CNGB3: variants seen among roughly 807,000 people sequenced by gnomAD.
The protein encoded by CNGB3 is cyclic nucleotide gated channel subunit beta 3, also known as cyclic nucleotide-gated channel beta-3.
In CNGB3, 86 loss-of-function variants were observed where a neutral mutation model predicts 92.8. The observed-to-expected ratio is 0.93, with a 90% confidence interval of 0.78 to 1.11. CNGB3 has a LOEUF of 1.11. Among genes scored for constraint, CNGB3 ranks in the 50% least tolerant of loss-of-function variants. The pLI, the probability that CNGB3 is intolerant of heterozygous loss-of-function variation, is 0.00. For synonymous variants in CNGB3, 333 were observed against 332.7 expected, an observed-to-expected ratio of 1.00 and a Z score of -0.01; for missense variants, 1,026 against 956.8, an observed-to-expected ratio of 1.07 and a Z score of -0.95.
chr8:86,659,859 A>G, intron 6 of CNGB3: 1 of 422,674 alleles, frequency 2.4e-6, no homozygotes, highest in South Asian at 1.9e-5. Context: ...CAGATCCTTC[A>G]GGTTAGCAGA....
chr8:86,664,200 T>G (rs530010842), intron 6 of CNGB3, among the ~76,000 whole-genome samples: 145 of 152,368 alleles, frequency 9.5e-4, no homozygotes, highest in African/African-American at 3.3e-3. Context: ...TAGTATTTCT[T>G]TCTAGGAAAG....
chr8:86,733,733 G>A (rs1825198495), intron 2 of CNGB3, among the ~76,000 whole-genome samples: 1 of 152,132 alleles, frequency 6.6e-6, no homozygotes, highest in African/African-American at 2.4e-5. Flanking sequence ...TCAGTAGATT[G>A]CCTAGTTATT....
At chr8:86,658,035 C>T (rs890542953) in intron 6 of CNGB3, 7 of 544,356 alleles carry the variant, frequency 1.3e-5, no homozygotes, top group Non-Finnish European at 2.5e-5. Flanking sequence ...CCTTCTCCTG[C>T]ATGAGCTCCA....
intron 15 of CNGB3, among the ~76,000 whole-genome samples, chr8:86,581,447 C>A (rs1385032914): frequency 6.6e-6 from 1 of 152,060 alleles, no homozygotes; most frequent in African/African-American, 2.4e-5. Context: ...AAGGAAGATC[C>A]CCTCTCGGCT....
At chr8:86,631,885 T>C (rs1483559151) in intron 11 of CNGB3, among the ~76,000 whole-genome samples, 1 of 152,220 alleles carries the variant, frequency 6.6e-6, no homozygotes, top group Non-Finnish European at 1.5e-5. Flanking sequence ...GACTGAGGCC[T>C]TGCTTGTTTC....
At chr8:86,621,674 A>G (rs555664178) in intron 13 of CNGB3, among the ~76,000 whole-genome samples, 1 of 152,046 alleles carries the variant, frequency 6.6e-6, no homozygotes, top group Non-Finnish European at 1.5e-5. Flanking sequence ...AGTCCATTAT[A>G]TTATTCTTAT....
At chr8:86,725,017 A>G (rs569027882) in intron 3 of CNGB3, among the ~76,000 whole-genome samples, 1 of 152,272 alleles carries the variant, frequency 6.6e-6, no homozygotes, top group Admixed American at 6.5e-5. Context: ...TGGGTAATTG[A>G]AAGGTTTCCA....
intron 4 of CNGB3, among the ~76,000 whole-genome samples, chr8:86,670,543 C>A (rs1046283451): frequency 6.6e-6 from 1 of 152,008 alleles, no homozygotes; most frequent in Admixed American, 6.6e-5. Context: ...GGATAAAGCC[C>A]CAATGGCAGA....
At chr8:86,700,001 A>G (rs1586024916) in intron 3 of CNGB3, among the ~76,000 whole-genome samples, 1 of 152,234 alleles carries the variant, frequency 6.6e-6, no homozygotes, top group Non-Finnish European at 1.5e-5. Flanking sequence ...TAAAATGGCA[A>G]GACCCCCACA....
intron 7 of CNGB3, among the ~76,000 whole-genome samples, chr8:86,652,346 G>A (rs1656846448): frequency 1.3e-5 from 2 of 151,948 alleles, no homozygotes; most frequent in South Asian, 4.1e-4. Flanking sequence ...GTACACTACT[G>A]TAGACTTTAT....
chr8:86,579,022 A>G, intron 16 of CNGB3, 84 bp downstream of exon 16: 1 of 1,580,226 alleles, frequency 6.3e-7, no homozygotes, highest in South Asian at 1.1e-5. Flanking sequence ...AGTTTATCAC[A>G]ATCATAATAC....
At chr8:86,636,204 G>A (rs1008508201) in intron 10 of CNGB3, among the ~76,000 whole-genome samples, 1 of 151,970 alleles carries the variant, frequency 6.6e-6, no homozygotes, top group East Asian at 1.9e-4. Flanking sequence ...CCTAAAAACA[G>A]TACTTCAGAA....
intron 10 of CNGB3, among the ~76,000 whole-genome samples, chr8:86,637,954 A>C (rs949968730): frequency 6.6e-6 from 1 of 152,090 alleles, no homozygotes; most frequent in African/African-American, 2.4e-5. Context: ...CCTGTTTTAG[A>C]ATTTCACATA....
intron 3 of CNGB3, among the ~76,000 whole-genome samples, chr8:86,699,232 T>G (rs1221784731): frequency 6.6e-6 from 1 of 152,198 alleles, no homozygotes; most frequent in Non-Finnish European, 1.5e-5. Flanking sequence ...CTTAGTGTCA[T>G]ATTGGAAATT....
intron 10 of CNGB3, among the ~76,000 whole-genome samples, chr8:86,638,601 G>A (rs1485942327): frequency 1.3e-5 from 2 of 152,104 alleles, no homozygotes; most frequent in Non-Finnish European, 2.9e-5. Flanking sequence ...TAGAATGTAA[G>A]TGCTACAAAG....
chr8:86,599,432 C>A (rs914299234), intron 15 of CNGB3, among the ~76,000 whole-genome samples: 1 of 152,196 alleles, frequency 6.6e-6, no homozygotes, highest in Non-Finnish European at 1.5e-5. Context: ...AACAGGATAA[C>A]AGCAATGTTC....
chr8:86,726,325 T>C (rs1319716548), intron 3 of CNGB3, among the ~76,000 whole-genome samples: 1 of 152,122 alleles, frequency 6.6e-6, no homozygotes, highest in African/African-American at 2.4e-5. Context: ...CCTAGGGATA[T>C]TGGTTAGTGG....
intron 7 of CNGB3, among the ~76,000 whole-genome samples, chr8:86,651,926 A>C (rs1380777145): frequency 6.6e-6 from 1 of 151,972 alleles, no homozygotes; most frequent in Non-Finnish European, 1.5e-5. Flanking sequence ...ATGCATTGTT[A>C]GGTGATTTCA....
chr8:86,704,043 T>A (rs1824606192), intron 3 of CNGB3: 2 of 152,316 alleles, frequency 1.3e-5, no homozygotes, highest in East Asian at 3.9e-4. Flanking sequence ...AAATTGCATA[T>A]GACTTTTGAC....
Sources: gnomAD v4.1 joint callset for allele counts (sites outside exome capture counted in the v4.1 genomes callset) on GRCh38, gnomAD v4.1.1 for gene constraint, MANE v1.5 for transcripts, NCBI Gene and HGNC (gene_info 2026-07-23, HGNC 2026-07-21) for gene names.